Variants in CNTN5 observed in about 807,000 individuals in gnomAD.
CNTN5 encodes the protein contactin-5.
CNTN5 carries 77 observed loss-of-function variants against 129.1 expected under a neutral mutation model. That is an observed-to-expected ratio of 0.60 (90% confidence interval 0.50 to 0.72). CNTN5 has a LOEUF of 0.72. CNTN5 is among the 30% of genes least tolerant of loss of function. CNTN5 has a pLI of 0.00. For missense variants in CNTN5, 1,478 were observed against 1,328.8 expected, an observed-to-expected ratio of 1.11 and a Z score of -1.75; for synonymous variants, 509 against 465.6, an observed-to-expected ratio of 1.09 and a Z score of -1.20.
intron 10 of CNTN5, among the ~76,000 whole-genome samples, chr11:100,062,566 A>C (rs928498326): frequency 6.6e-6 from 1 of 152,158 alleles, no homozygotes; most frequent in Admixed American, 6.5e-5. Context: ...CAAACTCCAC[A>C]TTAGAGTGGA....
chr11:99,125,014 G>A (rs1231290772), intron 1 of CNTN5, among the ~76,000 whole-genome samples: 1 of 151,892 alleles, frequency 6.6e-6, no homozygotes, highest in East Asian at 1.9e-4. Context: ...GGAATTCACA[G>A]CTTAATTCTA....
intron 13 of CNTN5, among the ~76,000 whole-genome samples, chr11:100,101,564 C>T (rs539076464): frequency 5.3e-5 from 8 of 152,088 alleles, no homozygotes; most frequent in Admixed American, 1.3e-4. Flanking sequence ...CTAAGAAATT[C>T]CAATGTATTC....
intron 9 of CNTN5, among the ~76,000 whole-genome samples, chr11:100,002,469 A>G (rs1591552846): frequency 6.6e-6 from 1 of 152,180 alleles, no homozygotes; most frequent in Non-Finnish European, 1.5e-5. Flanking sequence ...AAGAAGATAG[A>G]AAGGCAAAGT....
At chr11:99,638,889 C>T (rs587855) in intron 3 of CNTN5, among the ~76,000 whole-genome samples, 1 of 151,860 alleles carries the variant, frequency 6.6e-6, no homozygotes, top group African/African-American at 2.4e-5. Flanking sequence ...ATCTACTGTT[C>T]TGGGGTCTGG....
intron 23 of CNTN5, among the ~76,000 whole-genome samples, chr11:100,347,935 T>G (rs1234087552): frequency 1.3e-5 from 2 of 152,072 alleles, no homozygotes; most frequent in African/African-American, 2.4e-5. Context: ...CTCCTCAATA[T>G]TCTACTACCA....
intron 2 of CNTN5, among the ~76,000 whole-genome samples, chr11:99,446,952 C>T (rs1944097144): frequency 6.6e-6 from 1 of 152,068 alleles, no homozygotes; most frequent in Non-Finnish European, 1.5e-5. Context: ...TGGTCTGGCT[C>T]TTGTATTTAT....
rs1182236961 is a variant in CNTN5 at position 99,024,125 on chromosome 11, A to G, written c.-210+2855A>G. Among the ~76,000 whole-genome samples the G allele has an allele frequency of 2.0e-5, 3 of 152,300 alleles. No individual in the cohort carries two copies. In the East Asian group the frequency reaches 5.8e-4, roughly 29 times the overall value. On this transcript the variant is annotated intron_variant, in intron 1 of 24. Coordinates refer to ENST00000524871, the MANE Select transcript of CNTN5 (RefSeq NM_014361.4). ...TAGAGGCTGGTACATTTTAAAAAGT[A>G]ATGAAGTATATAAAACTCCTAATGC... is the stretch of plus-strand genomic sequence containing the variant.
intron 8 of CNTN5, among the ~76,000 whole-genome samples, chr11:99,997,185 C>A (rs1468658591): frequency 6.6e-6 from 1 of 152,212 alleles, no homozygotes; most frequent in Non-Finnish European, 1.5e-5. Flanking sequence ...TTTCAAAAAA[C>A]CAGCTCCTGG....
intron 13 of CNTN5, among the ~76,000 whole-genome samples, chr11:100,077,239 T>C (rs1944167447): frequency 6.6e-6 from 1 of 152,316 alleles, no homozygotes; most frequent in African/African-American, 2.4e-5. Context: ...GTGTCATTTT[T>C]TAATTTATAA....
chr11:100,002,395 C>G (rs193242549), intron 9 of CNTN5, among the ~76,000 whole-genome samples: 26 of 152,220 alleles, frequency 1.7e-4, no homozygotes, highest in African/African-American at 6.0e-4. Context: ...AGCTTTACAT[C>G]TTTACCTATG....
At chr11:99,256,501 G>T (rs1862383980) in intron 1 of CNTN5, among the ~76,000 whole-genome samples, 1 of 151,808 alleles carries the variant, frequency 6.6e-6, no homozygotes, top group African/African-American at 2.4e-5. Context: ...AAGCCTTTTA[G>T]TTATTTATAA....
intron 13 of CNTN5, among the ~76,000 whole-genome samples, chr11:100,135,847 T>G (rs1946506450): frequency 6.6e-6 from 1 of 152,112 alleles, no homozygotes; most frequent in African/African-American, 2.4e-5. Flanking sequence ...TTCTATTTGG[T>G]TTCAATCATA....
At chr11:100,064,004 A>T (rs1943594737) in intron 10 of CNTN5, among the ~76,000 whole-genome samples, 1 of 152,198 alleles carries the variant, frequency 6.6e-6, no homozygotes, top group South Asian at 2.1e-4. Context: ...TAAAGTGTAG[A>T]TAGGATTCAG....
chr11:99,849,413 A>T (rs915875036), intron 6 of CNTN5, among the ~76,000 whole-genome samples: 8 of 151,912 alleles, frequency 5.3e-5, no homozygotes. Flanking sequence ...CACTCCCTTA[A>T]TGCTAGGAGT....
intron 13 of CNTN5, among the ~76,000 whole-genome samples, chr11:100,091,718 C>T (rs557449605): frequency 5.5e-4 from 83 of 152,108 alleles, no homozygotes; most frequent in Non-Finnish European, 9.6e-4. Flanking sequence ...TAAGCCACCG[C>T]GCCCAGCCTA....
intron 8 of CNTN5, among the ~76,000 whole-genome samples, chr11:99,998,055 A>T (rs911548267): frequency 6.6e-6 from 1 of 152,148 alleles, no homozygotes; most frequent in Non-Finnish European, 1.5e-5. Context: ...ATCATACTGA[A>T]TGGGCAAAAA....
chr11:99,760,078 T>G (rs1326418203), intron 3 of CNTN5, among the ~76,000 whole-genome samples: 1 of 152,148 alleles, frequency 6.6e-6, no homozygotes, highest in South Asian at 2.1e-4. Flanking sequence ...AGTAGTGAGA[T>G]GAAACATGCA....
chr11:100,298,290 A>AT (rs955423319), intron 19 of CNTN5, among the ~76,000 whole-genome samples: 4 of 150,908 alleles, frequency 2.7e-5, no homozygotes, highest in South Asian at 4.2e-4. Context: ...AATCTGTCCT[A>AT]TTTTTTTTGT....
Position 100,071,741 on chromosome 11 carries a change from C to A in CNTN5, c.1336C>A (p.His446Asn). Reference protein sequence around the residue: ...VEMVNGVLMIHNVNQSDAGMY... With the variant: ...VEMVNGVLMINNVNQSDAGMY... The stretch of plus-strand genomic sequence containing the variant: ...GATGGTTAATGGAGTATTGATGATC[C>A]ACAATGTGAATCAATCAGATGCTGG... Residue 446 changes from histidine to asparagine, a missense_variant, in exon 12 of 25, where the codon CAC becomes AAC. Transcript: ENST00000524871. 6.3e-7 allele frequency: 1 copy of A among 1,597,104 alleles called. No individual in the cohort carries two copies. Among genetic ancestry groups the A allele is most frequent in the Admixed American group, 1.7e-5 (1 of 57,884 alleles).
Sources: allele counts gnomAD v4.1 joint callset (sites outside exome capture counted in the v4.1 genomes callset), GRCh38; gene constraint gnomAD v4.1.1; transcripts MANE v1.5; gene names NCBI Gene and HGNC (gene_info 2026-07-23, HGNC 2026-07-21).